The following PCGF6 variants were observed in gnomAD, a reference collection of about 807,000 sequenced individuals.
The protein encoded by PCGF6 is polycomb group ring finger 6, also known as polycomb group RING finger protein 6.
PCGF6 carries 24 observed loss-of-function variants against 45.5 expected under a neutral mutation model. The observed-to-expected ratio is 0.53, with a 90% CI of 0.38 to 0.74. PCGF6 has a LOEUF of 0.74. Ranked by LOEUF, PCGF6 falls within the 30% of genes least tolerant of loss-of-function variation. The probability of loss-of-function intolerance (pLI) is 0.00; values close to 1 mark genes in which losing one functional copy is unlikely to be tolerated. For missense variants in PCGF6, 356 were observed against 443.2 expected (o/e 0.80, Z 1.77); for synonymous variants, 152 against 162.1 (o/e 0.94, Z 0.47).
intron 6 of PCGF6, among the ~76,000 whole-genome samples, chr10:103,340,085 G>C (rs2093274679): frequency 6.8e-6 from 1 of 146,744 alleles, no homozygotes; most frequent in Non-Finnish European, 1.5e-5. Flanking sequence ...GCTGAGGTAG[G>C]AGAACTGCTT....
chr10:103,326,756 ACT>A (rs2093220479), intron 7 of PCGF6, 124 bp from the exon 8 acceptor site: 4 of 571,676 alleles, frequency 7.0e-6, no homozygotes, highest in Non-Finnish European at 1.1e-5. Flanking sequence ...GATTCAATAG[ACT>A]CTTGAAAAAA....
chr10:103,315,771 C>T (rs2093172836), intron 8 of PCGF6, among the ~76,000 whole-genome samples: 1 of 152,092 alleles, frequency 6.6e-6, no homozygotes, highest in Non-Finnish European at 1.5e-5. Context: ...CCTCCCAAAA[C>T]ACAGGTGTGA....
rs1377882267 is a variant in PCGF6 at position 103,303,171 on chromosome 10, G to GTAT, written c.*731_*733dup. 6.6e-6 allele frequency: 1 copy of GTAT among 152,516 alleles called. No individual in the cohort carries two copies. The highest frequency in any genetic ancestry group is 2.4e-5 in the African/African-American group (1 of 41,410). The allele number at this position is 152,516 out of a possible 1,614,324, so 9.4% of individuals were successfully genotyped here. On this transcript the variant is annotated 3_prime_UTR_variant, in exon 10 of 10. Transcript: ENST00000369847. ...CTTTCAGAAGCAATACTATTGCAAG[G>GTAT]TATCAACAACCACACTATGTACCCA...
At chr10:103,312,913 A>G (rs1174856721) in intron 9 of PCGF6, among the ~76,000 whole-genome samples, 1 of 152,190 alleles carries the variant, frequency 6.6e-6, no homozygotes, top group Non-Finnish European at 1.5e-5. Context: ...GTGAGCCGAG[A>G]TCACGCCACT....
chr10:103,338,203 T>C lies in PCGF6; in HGVS notation c.783-4251A>G, dbSNP rs972821062. Among the ~76,000 whole-genome samples the C allele has an allele frequency of 2.6e-5, 4 of 151,858 alleles. No homozygotes were observed. The East Asian group carries it at 5.8e-4, about 22-fold the overall frequency. On this transcript the variant is annotated intron_variant, in intron 6 of 9. Coordinates refer to ENST00000369847, the MANE Select transcript of PCGF6 (RefSeq NM_001011663.2). ...TTGCAGTGAGTCGAGATCATGCCAC[T>C]GCACTCCAGCCTTGACAACAAGAGA...
intron 8 of PCGF6, among the ~76,000 whole-genome samples, chr10:103,322,290 TC>T (rs1301717521): frequency 6.6e-6 from 1 of 152,094 alleles, no homozygotes; most frequent in Non-Finnish European, 1.5e-5. Context: ...AGCCTGGATC[TC>T]CCAGGCTCAA....
intron 7 of PCGF6, 142 bp downstream of exon 7, chr10:103,333,783 T>C (rs936327652): frequency 6.9e-6 from 4 of 582,508 alleles, no homozygotes; most frequent in East Asian, 7.1e-5. Flanking sequence ...TAATAACTTT[T>C]ATTCATAAAT....
chr10:103,311,954 G>C (rs2093158839), intron 9 of PCGF6, among the ~76,000 whole-genome samples: 1 of 151,680 alleles, frequency 6.6e-6, no homozygotes, highest in East Asian at 1.9e-4. Context: ...CTGGTGTGGT[G>C]GGACACCTAT....
chr10:103,306,240 G>A (rs2093137993), intron 9 of PCGF6, among the ~76,000 whole-genome samples: 1 of 151,966 alleles, frequency 6.6e-6, no homozygotes, highest in African/African-American at 2.4e-5. Context: ...TGGGATTACA[G>A]GCAGGCGTCA....
chr10:103,351,116 T>TCGGC lies in PCGF6; in HGVS notation c.-54_-51dup. On this transcript the variant is annotated 5_prime_UTR_variant, in exon 1 of 10. Coordinates refer to ENST00000369847, the MANE Select transcript of PCGF6 (RefSeq NM_001011663.2). The stretch of plus-strand genomic sequence containing the variant: ...CGAGGCGGCGGGAGAGCGCGGGAGT[T>TCGGC]CGGCCGGCCTCGGACGCCACCACTG... 2 of 1,333,378 alleles carry TCGGC rather than the reference T, an allele frequency of 1.5e-6. No individual in the cohort carries two copies. Among genetic ancestry groups the TCGGC allele is most frequent in the Non-Finnish European group, 1.9e-6 (2 of 1,041,588 alleles). 82.6% of individuals were successfully genotyped at this position (1,333,378 alleles called of 1,614,324 possible).
rs2093272968 is a variant in PCGF6 at position 103,339,811 on chromosome 10, ACACACACACACACACACACACACAC to A, written c.782+5188_782+5212del. 6.7e-5 allele frequency among the ~76,000 whole-genome samples: 3 copies of A among 45,022 alleles called. 1 individual carries two copies. Among genetic ancestry groups the A allele is most frequent in the South Asian group, 1.1e-3 (1 of 908 alleles). 29.5% of individuals were successfully genotyped at this position (45,022 alleles called of 152,430 possible). ...AAATTCTGTCTGTCTCAAAAAAAAA[ACACACACACACACACACACACACAC>A]ACACACACACACACACACACACACA... On this transcript the variant is annotated intron_variant, in intron 6 of 9. Coordinates refer to ENST00000369847, the MANE Select transcript of PCGF6 (RefSeq NM_001011663.2).
At chr10:103,312,215 A>G (rs964876316) in intron 9 of PCGF6, among the ~76,000 whole-genome samples, 5 of 151,922 alleles carry the variant, frequency 3.3e-5, no homozygotes, top group South Asian at 2.1e-4. Context: ...AACACAGTGA[A>G]ACCCCGTCTC....
At chr10:103,331,428 T>C (rs1293360594) in intron 7 of PCGF6, among the ~76,000 whole-genome samples, 1 of 152,122 alleles carries the variant, frequency 6.6e-6, no homozygotes, top group East Asian at 1.9e-4. Flanking sequence ...TGGCTAATTT[T>C]TGTATTTTTA....
chr10:103,338,629 G>A (rs1360469426), intron 6 of PCGF6, among the ~76,000 whole-genome samples: 1 of 151,994 alleles, frequency 6.6e-6, no homozygotes, highest in African/African-American at 2.4e-5. Context: ...TACTTTGGGA[G>A]GCTGAGGTGG....
At chr10:103,314,160 T>A in intron 9 of PCGF6, 26 bp downstream of exon 9, 2 of 1,460,080 alleles carry the variant, frequency 1.4e-6, no homozygotes, top group Non-Finnish European at 1.9e-6. Flanking sequence ...ACTTATCTGT[T>A]AGACATGGGT....
intron 8 of PCGF6, among the ~76,000 whole-genome samples, chr10:103,314,783 C>G (rs1161132369): frequency 6.6e-6 from 1 of 151,626 alleles, no homozygotes; most frequent in African/African-American, 2.4e-5. Flanking sequence ...AACCCTGTCT[C>G]TACTAAAAAT....
intron 6 of PCGF6, among the ~76,000 whole-genome samples, chr10:103,334,953 T>G (rs1406878570): frequency 6.6e-6 from 1 of 152,192 alleles, no homozygotes. Context: ...AAACTGAAAT[T>G]CACACTCAGG....
intron 7 of PCGF6, among the ~76,000 whole-genome samples, chr10:103,333,076 G>A (rs1024351379): frequency 7.4e-5 from 11 of 148,594 alleles, no homozygotes; most frequent in Admixed American, 2.7e-4. Context: ...CCAAGATTGC[G>A]CCACTGTGCT....
chr10:103,335,801 C>G (rs1203238277), intron 6 of PCGF6, among the ~76,000 whole-genome samples: 1 of 151,802 alleles, frequency 6.6e-6, no homozygotes, highest in African/African-American at 2.4e-5. Flanking sequence ...CCCCGTCTCT[C>G]CTAAAAATAC....
Sources: gnomAD v4.1 joint callset for allele counts (sites outside exome capture counted in the v4.1 genomes callset) on GRCh38, gnomAD v4.1.1 for gene constraint, MANE v1.5 for transcripts, NCBI Gene and HGNC (gene_info 2026-07-23, HGNC 2026-07-21) for gene names.